The following CSMD1 variants were observed in gnomAD, a reference collection of about 807,000 sequenced individuals.
CSMD1 encodes CUB and Sushi multiple domains 1, also known as CUB and sushi domain-containing protein 1.
In CSMD1, 213 loss-of-function variants were observed where a neutral mutation model predicts 417.5. That is an observed-to-expected ratio of 0.51 (90% CI 0.46 to 0.57). The LOEUF (loss-of-function observed/expected upper bound fraction) is 0.57, where lower values mean the gene tolerates loss of function less well. Among genes scored for constraint, CSMD1 ranks in the 20% least tolerant of loss-of-function variants. The pLI is 0.00. For missense variants in CSMD1, 6,923 were observed against 4,529.7 expected, an observed-to-expected ratio of 1.53 and a Z score of -15.17; for synonymous variants, 2,862 against 1,736.8, an observed-to-expected ratio of 1.65 and a Z score of -16.11.
chr8:4,210,735 A>G (rs1030605401), intron 3 of CSMD1, among the ~76,000 whole-genome samples: 4 of 152,226 alleles, frequency 2.6e-5, no homozygotes, highest in Admixed American at 6.5e-5. Context: ...AAATCACAAA[A>G]TCTTCAACAT....
At chr8:3,574,794 G>A in intron 10 of CSMD1, 151 bp downstream of exon 10, 1 of 782,044 alleles carries the variant, frequency 1.3e-6, no homozygotes, top group Non-Finnish European at 2.0e-6. Context: ...TGCAATGAAT[G>A]TGGCATCTAG....
chr8:4,522,310 G>A (rs1040227555), intron 2 of CSMD1, among the ~76,000 whole-genome samples: 1 of 152,178 alleles, frequency 6.6e-6, no homozygotes, highest in African/African-American at 2.4e-5. Context: ...GGCCTCCCCA[G>A]CCATGTGGAA....
chr8:3,885,558 C>T (rs958581389), intron 5 of CSMD1, among the ~76,000 whole-genome samples: 1 of 152,170 alleles, frequency 6.6e-6, no homozygotes, highest in Non-Finnish European at 1.5e-5. Flanking sequence ...TGTTGCTCCA[C>T]CTAGTAATGA....
intron 4 of CSMD1, among the ~76,000 whole-genome samples, chr8:4,009,573 G>T (rs1356210913): frequency 6.6e-6 from 1 of 152,166 alleles, no homozygotes; most frequent in East Asian, 1.9e-4. Flanking sequence ...TATACAGTTG[G>T]ATGTGTAATT....
intron 5 of CSMD1, among the ~76,000 whole-genome samples, chr8:3,941,465 C>G (rs1339287681): frequency 6.6e-6 from 1 of 152,070 alleles, no homozygotes; most frequent in Non-Finnish European, 1.5e-5. Flanking sequence ...ACACTAAGGT[C>G]CTATTAAATG....
intron 2 of CSMD1, among the ~76,000 whole-genome samples, chr8:4,579,204 T>C (rs1008041523): frequency 6.6e-6 from 1 of 151,952 alleles, no homozygotes; most frequent in Non-Finnish European, 1.5e-5. Context: ...GTGGTTGCTC[T>C]GACGGAATCA....
chr8:4,157,611 T>G (rs1004018548), intron 3 of CSMD1, among the ~76,000 whole-genome samples: 6 of 152,210 alleles, frequency 3.9e-5, no homozygotes, highest in African/African-American at 1.4e-4. Context: ...ATGCAAATCT[T>G]TCACGCAGAG....
intron 3 of CSMD1, among the ~76,000 whole-genome samples, chr8:4,174,502 G>T (rs935084844): frequency 2.0e-5 from 3 of 150,880 alleles, no homozygotes; most frequent in African/African-American, 7.3e-5. Context: ...AGAAACTATG[G>T]GTATATATAA....
intron 4 of CSMD1, among the ~76,000 whole-genome samples, chr8:4,009,391 C>T (rs1023524546): frequency 2.6e-5 from 4 of 152,062 alleles, no homozygotes; most frequent in Non-Finnish European, 5.9e-5. Context: ...AAGCAAACTG[C>T]CATGTTTATC....
chr8:4,779,079 G>A (rs1055546924), intron 1 of CSMD1, among the ~76,000 whole-genome samples: 2 of 152,112 alleles, frequency 1.3e-5, no homozygotes, highest in Non-Finnish European at 2.9e-5. Context: ...GAATCCTTAC[G>A]AGAGGCCGTA....
intron 2 of CSMD1, among the ~76,000 whole-genome samples, chr8:4,547,142 A>G (rs1043025684): frequency 4.6e-5 from 7 of 152,130 alleles, no homozygotes; most frequent in African/African-American, 1.7e-4. Context: ...AAATTATTTC[A>G]TCAGACCTGC....
chr8:4,828,243 G>A (rs1799946532), intron 1 of CSMD1, among the ~76,000 whole-genome samples: 1 of 152,162 alleles, frequency 6.6e-6, no homozygotes, highest in African/African-American at 2.4e-5. Flanking sequence ...AATATTATAT[G>A]AAAAGATATG....
chr8:3,000,164 G>A (rs773223209), intron 52 of CSMD1, 33 bp from the exon 53 acceptor site: 5 of 1,477,712 alleles, frequency 3.4e-6, no homozygotes, highest in South Asian at 1.4e-5. Flanking sequence ...AAAATTTAGA[G>A]TGTCTGTCAT....
At chr8:4,309,817 T>C (rs1328564562) in intron 3 of CSMD1, among the ~76,000 whole-genome samples, 1 of 152,194 alleles carries the variant, frequency 6.6e-6, no homozygotes, top group African/African-American at 2.4e-5. Context: ...CCTTCGCCCT[T>C]ACTTCATTTT....
chr8:3,726,164 A>C (rs1359166010), intron 6 of CSMD1, among the ~76,000 whole-genome samples: 1 of 151,990 alleles, frequency 6.6e-6, no homozygotes, highest in Non-Finnish European at 1.5e-5. Context: ...CGTCCTGCCA[A>C]TCTCCACACG....
chr8:4,455,018 G>A (rs542240008), intron 2 of CSMD1, among the ~76,000 whole-genome samples: 1 of 149,818 alleles, frequency 6.7e-6, no homozygotes, highest in Admixed American at 6.6e-5. Flanking sequence ...CTATCCCAGT[G>A]TGTCAGTCCG....
At chr8:3,572,177 A>T (rs1799971893) in intron 10 of CSMD1, among the ~76,000 whole-genome samples, 1 of 151,762 alleles carries the variant, frequency 6.6e-6, no homozygotes, top group Admixed American at 6.6e-5. Flanking sequence ...GCATTCGAGC[A>T]CTCCTTCTCC....
intron 7 of CSMD1, among the ~76,000 whole-genome samples, chr8:3,675,311 T>C (rs371234978): frequency 2.6e-5 from 4 of 152,316 alleles, no homozygotes; most frequent in African/African-American, 9.6e-5. Flanking sequence ...ATGCACATCC[T>C]CACGTCTCCA....
rs543362334 is a variant in CSMD1, at chr8:4,081,912, A to T, written c.416-49813T>A. On this transcript the variant is annotated intron_variant, in intron 3 of 69. Transcript: ENST00000635120. Reference sequence around the variant, plus strand: ...TTAGTTACAGTAGTGCTCATGGGGGAGTGTGTAGCTTAAATACTTATATTA... The same window carrying T: ...TTAGTTACAGTAGTGCTCATGGGGGTGTGTGTAGCTTAAATACTTATATTA... Among the ~76,000 whole-genome samples, 80 of 152,306 alleles carry T rather than the reference A, an allele frequency of 5.3e-4. No homozygotes were observed. In the South Asian group the frequency reaches 0.016, roughly 31 times the overall value.
Sources: gnomAD v4.1 joint callset for allele counts (sites outside exome capture counted in the v4.1 genomes callset) on GRCh38, gnomAD v4.1.1 for gene constraint, MANE v1.5 for transcripts, NCBI Gene and HGNC (gene_info 2026-07-23, HGNC 2026-07-21) for gene names.